Variants in LIPE observed in about 807,000 individuals in gnomAD.
LIPE encodes hormone-sensitive lipase.
LIPE carries 66 observed loss-of-function variants against 88.5 expected under a neutral mutation model. The observed-to-expected ratio is 0.75, with a 90% CI of 0.61 to 0.91. The LOEUF is 0.91. Among genes scored for constraint, LIPE ranks in the 40% least tolerant of loss-of-function variants. The pLI, the probability that LIPE is intolerant of heterozygous loss-of-function variation, is 0.00. For synonymous variants in LIPE, 570 were observed against 617.5 expected (o/e 0.92, Z 1.14); for missense variants, 1,346 against 1,434.7 (o/e 0.94, Z 1.00).
rs146635380 is a variant in LIPE, at chr19:42,403,022, C to T, written c.2552G>A (p.Arg851His). 1.9e-4 allele frequency: 298 copies of T among 1,556,638 alleles called. No individual in the cohort carries two copies. The highest frequency in any genetic ancestry group is 2.4e-4 in the Non-Finnish European group (277 of 1,152,230). Residue 851 changes from arginine (R) to histidine (H), a missense_variant, in exon 9 of 10, where the codon CGC becomes CAC. By Grantham distance (29) the Arg-to-His change is conservative (BLOSUM62 0). Coordinates refer to ENST00000244289, the MANE Select transcript of LIPE (RefSeq NM_005357.4). ...KMSEPIAEPM[R>H]RSVSEAALAQ... is the part of the protein sequence containing the mutation. ...CAGTGCTGCTTCAGACACACTGCGG[C>T]GCATCGGCTCTGAGAGAGGGAGAGC... is the stretch of plus-strand genomic sequence containing the variant.
rs992897303 is a variant in LIPE, at chr19:42,414,899, C to A, written c.884-4057G>T. Among the ~76,000 whole-genome samples the A allele has an allele frequency of 6.6e-6, 1 of 152,196 alleles. No homozygotes were observed. The highest frequency in any genetic ancestry group is 1.5e-5 in the Non-Finnish European group (1 of 68,044). ...TGACTGCTCCACTGACCAGCCATTTCCCCCATCTCTCTTCTCGAGCCTCCA... is the reference window on the plus strand; with the variant it reads ...TGACTGCTCCACTGACCAGCCATTTACCCCATCTCTCTTCTCGAGCCTCCA... On this transcript the variant is annotated intron_variant, in intron 1 of 9. Coordinates refer to ENST00000244289, the MANE Select transcript of LIPE (RefSeq NM_005357.4). The surrounding 1 kb of genome is among the most constrained non-coding windows in gnomAD (Gnocchi z 4.6).
intron 1 of LIPE, chr19:42,423,947 C>T: frequency 8.6e-7 from 1 of 1,169,380 alleles, no homozygotes; most frequent in Non-Finnish European, 1.1e-6. Context: ...GATGCCCTAG[C>T]ACGCGGCCCG....
rs937535611 is a variant in LIPE, at chr19:42,401,823, C to T, written c.3220G>A (p.Gly1074Arg). The T allele has an allele frequency of 6.8e-7, 1 of 1,479,634 alleles. No individual in the cohort carries two copies. Among genetic ancestry groups the T allele is most frequent in the Non-Finnish European group, 8.9e-7 (1 of 1,117,522 alleles). 91.7% of individuals were successfully genotyped at this position (1,479,634 alleles called of 1,614,324 possible). A position where few individuals can be genotyped will look rare whatever the true frequency, so the allele number is the denominator to read the frequency against. Reference protein sequence around the residue: ...GAAGVDGGCGGRH With the variant: ...GAAGVDGGCGRRH ...GGAACAACAGGCTTTTAGTGTCGCC[C>T]CCCGCAGCCCCCGTCTACCCCCGCA... Residue 1074 changes from glycine to arginine, a missense_variant, in exon 10 of 10, where the codon GGG (glycine) becomes AGG (arginine). Physicochemically the swap from Gly to Arg is moderately radical, Grantham distance 125. Coordinates refer to ENST00000244289, the MANE Select transcript of LIPE (RefSeq NM_005357.4).
chr19:42,422,759 C>G (rs1365790254), intron 1 of LIPE, among the ~76,000 whole-genome samples: 1 of 152,104 alleles, frequency 6.6e-6, no homozygotes, highest in Admixed American at 6.6e-5. Context: ...GAGGCCTTCC[C>G]TTTTGCTGAG....
chr19:42,405,113 C>T (rs2147582543), intron 8 of LIPE, among the ~76,000 whole-genome samples: 1 of 152,240 alleles, frequency 6.6e-6, no homozygotes, highest in South Asian at 2.1e-4. Context: ...AGTGATCTGC[C>T]CACCTTGGCC....
At position 42,423,583 on chromosome 19, in the gene LIPE, C is replaced by T. The variant is rs866784242; in HGVS notation, c.883+2684G>A. 3.1e-5 allele frequency: 38 copies of T among 1,215,272 alleles called. No homozygotes were observed. The South Asian group carries it at 5.0e-4, about 16-fold the overall frequency. The allele number at this position is 1,215,272 out of a possible 1,614,324, so 75.3% of individuals were successfully genotyped here. ...CGGGGGCCAATTCCAGCCGCGAGGCCCTGCCCGGAGGGCCAATCCTCGCTA... is the reference window on the plus strand; with the variant it reads ...CGGGGGCCAATTCCAGCCGCGAGGCTCTGCCCGGAGGGCCAATCCTCGCTA... On this transcript the variant is annotated intron_variant, in intron 1 of 9. Coordinates refer to ENST00000244289, the MANE Select transcript of LIPE (RefSeq NM_005357.4).
intron 1 of LIPE, among the ~76,000 whole-genome samples, chr19:42,420,574 C>T (rs1032270521): frequency 6.6e-6 from 1 of 151,812 alleles, no homozygotes; most frequent in African/African-American, 2.4e-5. Flanking sequence ...GTCATCCTGG[C>T]CACCTCCCCA....
At chr19:42,418,069 G>A (rs1310597222) in intron 1 of LIPE, among the ~76,000 whole-genome samples, 2 of 151,088 alleles carry the variant, frequency 1.3e-5, no homozygotes, top group Admixed American at 1.3e-4. Context: ...CGCAACCTCC[G>A]CCTCCCAGGT....
In LIPE at chr19:42,407,208, G is replaced by A; in HGVS notation, c.2103C>T (p.Ala701=). Residue 701 remains alanine (A), a synonymous_variant, in exon 6 of 10, where the codon GCC becomes GCT. Transcript: ENST00000244289. The surrounding 1 kb of genome is among the most constrained non-coding windows in gnomAD (Gnocchi z 5.8). The part of the protein sequence containing the change: ...FPRALEECFF[A]YCWAIKHCAL... ...CGCAGTGCTTGATGGCCCAGCAGTAGGCGAAGAAGCACTCCTCCAGCGCAC... is the reference window on the plus strand; with the variant it reads ...CGCAGTGCTTGATGGCCCAGCAGTAAGCGAAGAAGCACTCCTCCAGCGCAC... 1 of 1,546,698 alleles carries A rather than the reference G, an allele frequency of 6.5e-7. No individual in the cohort carries two copies. Among genetic ancestry groups the A allele is most frequent in the Non-Finnish European group, 8.7e-7 (1 of 1,143,894 alleles).
At chr19:42,426,151 T>A in intron 1 of LIPE, 116 bp downstream of exon 1, 7 of 512,080 alleles carry the variant, frequency 1.4e-5, no homozygotes, top group Non-Finnish European at 2.3e-5. Flanking sequence ...GATCTTTATC[T>A]CAGGATTGTT....
intron 1 of LIPE, among the ~76,000 whole-genome samples, chr19:42,416,344 C>CA (rs142029695): frequency 0.043 from 6,335 of 148,318 alleles, 407 homozygotes; most frequent in African/African-American, 0.15. Context: ...AACTTTGTCT[C>CA]AAAAAAAAAA....
At chr19:42,423,340 G>T in intron 1 of LIPE, 1 of 1,118,328 alleles carries the variant, frequency 8.9e-7, no homozygotes, top group Non-Finnish European at 1.2e-6. Flanking sequence ...TGTGGCAGTG[G>T]GCCAGTCCAC....
intron 1 of LIPE, among the ~76,000 whole-genome samples, chr19:42,418,611 C>T (rs1005049545): frequency 4.0e-5 from 6 of 151,330 alleles, no homozygotes; most frequent in South Asian, 4.2e-4. Flanking sequence ...GCTAGGAGTT[C>T]GAGACTAGCC....
chr19:42,405,920 A>T, intron 7 of LIPE: 1 of 568,186 alleles, frequency 1.8e-6, no homozygotes, highest in South Asian at 2.2e-5. Flanking sequence ...TGTTTGAGCC[A>T]CTGCACTCAG....
Position 42,407,438 on chromosome 19 carries a change from A to T in LIPE, c.1873T>A (p.Ser625Thr). 1 of 1,613,216 alleles carries T rather than the reference A, an allele frequency of 6.2e-7. No homozygotes were observed. The highest frequency in any genetic ancestry group is 8.5e-7 in the Non-Finnish European group (1 of 1,179,538). ...AGCTCCAGGCTCCGTTGGCCGTTGG[A>T]CTTTATCAGGCTGCTGAGCTCCTCA... The part of the protein sequence containing the change: ...DSEELSSLIK[S>T]NGQRSLELWP... Residue 625 changes from serine to threonine, a missense_variant, in exon 6 of 10, where the codon TCC (serine) becomes ACC (threonine). Coordinates refer to ENST00000244289, the MANE Select transcript of LIPE (RefSeq NM_005357.4). The surrounding 1 kb of genome is among the most constrained non-coding windows in gnomAD (Gnocchi z 5.8).
intron 1 of LIPE, among the ~76,000 whole-genome samples, chr19:42,420,224 C>T (rs1230526219): frequency 2.0e-5 from 3 of 152,060 alleles, no homozygotes; most frequent in South Asian, 2.1e-4. Flanking sequence ...CTGATCTCTG[C>T]TGTGTTTCTG....
chr19:42,424,266 C>T (rs1292500761), intron 1 of LIPE: 1 of 514,454 alleles, frequency 1.9e-6, no homozygotes, highest in Non-Finnish European at 3.6e-6. Flanking sequence ...CGCGGGCCGG[C>T]CCAAGAGCGG....
At chr19:42,412,672 C>T (rs906329071) in intron 1 of LIPE, 33 of 574,922 alleles carry the variant, frequency 5.7e-5, no homozygotes, top group Non-Finnish European at 6.8e-5. Flanking sequence ...CCCAGGAGTC[C>T]AGGCCCCCAG....
chr19:42,425,831 C>G (rs1311753852), intron 1 of LIPE, among the ~76,000 whole-genome samples: 1 of 152,048 alleles, frequency 6.6e-6, no homozygotes, highest in Non-Finnish European at 1.5e-5. Context: ...GAGATGGAGT[C>G]TTACTCTGTC....
Sources: allele counts gnomAD v4.1 joint callset (sites outside exome capture counted in the v4.1 genomes callset), GRCh38; gene constraint gnomAD v4.1.1; non-coding constraint Gnocchi (gnomAD v3.1); transcripts MANE v1.5; gene names NCBI Gene and HGNC (gene_info 2026-07-23, HGNC 2026-07-21).